Variants in PCDH9 observed in about 807,000 individuals in gnomAD.
The protein encoded by PCDH9 is protocadherin-9.
In PCDH9, 24 loss-of-function variants were observed where a neutral mutation model predicts 70.6. The ratio of observed to expected loss-of-function variants is 0.34; its 90% confidence interval spans 0.25 to 0.48. The LOEUF (loss-of-function observed/expected upper bound fraction) is 0.48. Among genes scored for constraint, PCDH9 ranks in the 20% least tolerant of loss-of-function variants. The pLI, the probability that PCDH9 is intolerant of heterozygous loss-of-function variation, is 0.99. For missense variants in PCDH9, 1,281 were observed against 1,503.6 expected, an observed-to-expected ratio of 0.85 and a Z score of 2.45; for synonymous variants, 562 against 558.5, an observed-to-expected ratio of 1.01 and a Z score of -0.09.
intron 3 of PCDH9, among the ~76,000 whole-genome samples, chr13:66,642,333 C>T (rs981524936): frequency 6.6e-6 from 1 of 151,834 alleles, no homozygotes; most frequent in African/African-American, 2.4e-5. Context: ...GCCTTTTTGG[C>T]TATGTTTGGT....
At chr13:66,694,895 C>G (rs1408491453) in intron 3 of PCDH9, among the ~76,000 whole-genome samples, 1 of 150,880 alleles carries the variant, frequency 6.6e-6, no homozygotes, top group East Asian at 1.9e-4. Context: ...GCATAGTCAT[C>G]ACTTACATAC....
chr13:66,848,626 T>C (rs2081253616), intron 3 of PCDH9, among the ~76,000 whole-genome samples: 1 of 152,050 alleles, frequency 6.6e-6, no homozygotes, highest in East Asian at 1.9e-4. Flanking sequence ...ATTTCTAGAA[T>C]GTATAAGAGG....
At chr13:66,649,417 G>T (rs1291361910) in intron 3 of PCDH9, among the ~76,000 whole-genome samples, 1 of 151,456 alleles carries the variant, frequency 6.6e-6, no homozygotes, top group African/African-American at 2.4e-5. Context: ...TATTTGAAGT[G>T]CAAAAGAAAA....
At chr13:66,983,993 T>G (rs1044422052) in intron 2 of PCDH9, among the ~76,000 whole-genome samples, 3 of 152,110 alleles carry the variant, frequency 2.0e-5, no homozygotes, top group Admixed American at 6.6e-5. Context: ...GAGCATTATA[T>G]TCTAATAAAT....
intron 2 of PCDH9, among the ~76,000 whole-genome samples, chr13:67,088,847 G>C (rs934650199): frequency 3.9e-5 from 6 of 151,986 alleles, no homozygotes; most frequent in Non-Finnish European, 1.5e-5. Context: ...CTACAAGGAA[G>C]ACAATGATTG....
chr13:66,481,783 A>G (rs1277986416), intron 4 of PCDH9, among the ~76,000 whole-genome samples: 3 of 152,150 alleles, frequency 2.0e-5, no homozygotes, highest in Admixed American at 2.0e-4. Context: ...AAAATAATTG[A>G]CAATTATTTT....
chr13:66,703,419 CTAATGAACTTTAGT>C (rs1681790023), intron 3 of PCDH9, among the ~76,000 whole-genome samples: 1 of 152,070 alleles, frequency 6.6e-6, no homozygotes, highest in African/African-American at 2.4e-5. Context: ...AATAACTGAC[CTAATGAACTTTAGT>C]TAATGCTATA....
chr13:66,453,983 A>G (rs1268603214), intron 4 of PCDH9, among the ~76,000 whole-genome samples: 1 of 152,064 alleles, frequency 6.6e-6, no homozygotes, highest in African/African-American at 2.4e-5. Context: ...TAAATACATA[A>G]TCAGTAACTC....
intron 2 of PCDH9, among the ~76,000 whole-genome samples, chr13:67,019,319 G>A (rs927813312): frequency 9.5e-5 from 14 of 147,136 alleles, no homozygotes; most frequent in Admixed American, 6.9e-4. Context: ...TCAGCCTCCC[G>A]AGTAGCTGGG....
intron 4 of PCDH9, among the ~76,000 whole-genome samples, chr13:66,574,982 G>A (rs894990655): frequency 1.1e-4 from 17 of 152,078 alleles, no homozygotes; most frequent in African/African-American, 3.4e-4. Context: ...AGACCAACCT[G>A]GCCAACATGG....
At chr13:66,596,240 G>T (rs559653920) in intron 4 of PCDH9, among the ~76,000 whole-genome samples, 1 of 151,648 alleles carries the variant, frequency 6.6e-6, no homozygotes, top group South Asian at 2.1e-4. Flanking sequence ...TGTCCAGACA[G>T]AGAAAAATTG....
chr13:66,803,400 C>T (rs926039687), intron 3 of PCDH9, among the ~76,000 whole-genome samples: 11 of 152,114 alleles, frequency 7.2e-5, no homozygotes, highest in African/African-American at 2.7e-4. Flanking sequence ...TTTCGACTCC[C>T]TCTAATTTCA....
At chr13:66,749,394 T>C in intron 3 of PCDH9, among the ~76,000 whole-genome samples, 1 of 152,116 alleles carries the variant, frequency 6.6e-6, no homozygotes, top group East Asian at 1.9e-4. Context: ...TACATCATAA[T>C]CAACAATCAT....
At chr13:66,974,527 G>C (rs1194792980) in intron 2 of PCDH9, among the ~76,000 whole-genome samples, 3 of 151,952 alleles carry the variant, frequency 2.0e-5, no homozygotes, top group Non-Finnish European at 4.4e-5. Flanking sequence ...AGTTGAGGGG[G>C]AGACAGTCCT....
chr13:67,153,445 A>G (rs2087713480), intron 2 of PCDH9, among the ~76,000 whole-genome samples: 2 of 152,146 alleles, frequency 1.3e-5, no homozygotes, highest in Non-Finnish European at 2.9e-5. Flanking sequence ...TGGGGATTAT[A>G]GGAGTTGGCC....
At chr13:66,833,458 CCTCA>C (rs2080963057) in intron 3 of PCDH9, among the ~76,000 whole-genome samples, 1 of 152,110 alleles carries the variant, frequency 6.6e-6, no homozygotes, top group African/African-American at 2.4e-5. Flanking sequence ...ATATTGTCTT[CCTCA>C]CTCACTCTGT....
intron 4 of PCDH9, among the ~76,000 whole-genome samples, chr13:66,444,438 T>A (rs1217714955): frequency 1.3e-5 from 2 of 152,218 alleles, no homozygotes; most frequent in Non-Finnish European, 2.9e-5. Context: ...AAGTTATAAC[T>A]GTTAGAAAGC....
At chr13:67,002,290 T>G (rs1594376001) in intron 2 of PCDH9, among the ~76,000 whole-genome samples, 1 of 152,114 alleles carries the variant, frequency 6.6e-6, no homozygotes, top group East Asian at 1.9e-4. Context: ...GCTGCTTATA[T>G]AAATTCATAA....
At chr13:66,826,544 A>G (rs1443039726) in intron 3 of PCDH9, among the ~76,000 whole-genome samples, 2 of 152,310 alleles carry the variant, frequency 1.3e-5, no homozygotes, top group East Asian at 3.9e-4. Context: ...ATTTTACTCA[A>G]TATATATTTA....
Sources: gnomAD v4.1 joint callset for allele counts (sites outside exome capture counted in the v4.1 genomes callset) on GRCh38, gnomAD v4.1.1 for gene constraint, MANE v1.5 for transcripts, NCBI Gene and HGNC (gene_info 2026-07-23, HGNC 2026-07-21) for gene names.